The following VTI1A variants were observed in gnomAD, a reference collection of about 807,000 sequenced individuals.
VTI1A encodes the protein vesicle transport through interaction with t-SNAREs 1A.
Under a neutral mutation model 34.9 loss-of-function variants are expected in VTI1A, and 22 were observed. The observed-to-expected ratio is 0.63, with a 90% CI of 0.45 to 0.90. VTI1A has a LOEUF of 0.90. VTI1A is among the 40% of genes least tolerant of loss of function. VTI1A has a pLI of 0.00. For missense variants in VTI1A, 268 were observed against 275.6 expected (o/e 0.97, Z 0.20); for synonymous variants, 87 against 97.3 (o/e 0.89, Z 0.62).
chr10:112,586,846 GGGT>G lies in VTI1A; in HGVS notation c.427+48517_427+48519del, dbSNP rs1160165835. Among the ~76,000 whole-genome samples, 3 of 152,258 alleles carry G rather than the reference GGGT, an allele frequency of 2.0e-5. No individual in the cohort carries two copies. In the East Asian group the frequency reaches 5.8e-4, roughly 29 times the overall value. ...CCTATTATTATAGCACTTAGTTTTA[GGGT>G]AACCACTGGTGATTTAGTCGTCTAA... is the stretch of plus-strand genomic sequence containing the variant. On this transcript the variant is annotated intron_variant, in intron 5 of 7. Transcript: ENST00000393077.
intron 7 of VTI1A, among the ~76,000 whole-genome samples, chr10:112,778,122 G>T (rs999724961): frequency 6.6e-6 from 1 of 151,852 alleles, no homozygotes; most frequent in African/African-American, 2.4e-5. Flanking sequence ...AAAAAAAAAA[G>T]TGTATTGGTG....
At chr10:112,555,166 G>T (rs576394765) in intron 5 of VTI1A, among the ~76,000 whole-genome samples, 1 of 151,874 alleles carries the variant, frequency 6.6e-6, no homozygotes, top group African/African-American at 2.4e-5. Flanking sequence ...AATTAAAAAA[G>T]AATTTTCTCT....
At chr10:112,581,663 A>C (rs1287172271) in intron 5 of VTI1A, among the ~76,000 whole-genome samples, 1 of 152,220 alleles carries the variant, frequency 6.6e-6, no homozygotes, top group Non-Finnish European at 1.5e-5. Flanking sequence ...TGGAATTTCC[A>C]TTTATGTTTA....
chr10:112,747,591 G>A (rs183138726), intron 7 of VTI1A, among the ~76,000 whole-genome samples: 1 of 152,280 alleles, frequency 6.6e-6, no homozygotes, highest in East Asian at 1.9e-4. Flanking sequence ...TAATTGTTTT[G>A]TTTTGTTTTC....
At chr10:112,786,260 T>C (rs1852283833) in intron 7 of VTI1A, among the ~76,000 whole-genome samples, 1 of 152,240 alleles carries the variant, frequency 6.6e-6, no homozygotes, top group Admixed American at 6.5e-5. Flanking sequence ...TTTGTGGCTA[T>C]AGCAATACAC....
Position 112,815,940 on chromosome 10 carries a change from G to T in VTI1A, c.*557G>T, listed in dbSNP as rs1293639813. 4 of 230,634 alleles carry T rather than the reference G, an allele frequency of 1.7e-5. No homozygotes were observed. Among genetic ancestry groups the T allele is most frequent in the African/African-American group, 8.9e-5 (4 of 45,190 alleles). The allele number at this position is 230,634 out of a possible 1,614,324, so 14.3% of individuals were successfully genotyped here. A position where few individuals can be genotyped will look rare whatever the true frequency, so the allele number is the denominator to read the frequency against. Reference sequence around the variant, plus strand: ...TAAAGGTCGGTATTTAATGTCGGTTGTACAGGAAATTGACTTAGCACTTTC... The same window carrying T: ...TAAAGGTCGGTATTTAATGTCGGTTTTACAGGAAATTGACTTAGCACTTTC... On this transcript the variant is annotated 3_prime_UTR_variant, in exon 8 of 8. Coordinates refer to ENST00000393077, the MANE Select transcript of VTI1A (RefSeq NM_145206.4).
At chr10:112,497,123 G>C (rs1589831109) in intron 3 of VTI1A, among the ~76,000 whole-genome samples, 1 of 152,078 alleles carries the variant, frequency 6.6e-6, no homozygotes, top group South Asian at 2.1e-4. Flanking sequence ...TTCAAGACCA[G>C]CTCGGCCAAA....
At chr10:112,657,024 C>T (rs909918951) in intron 5 of VTI1A, among the ~76,000 whole-genome samples, 39 of 152,268 alleles carry the variant, frequency 2.6e-4, no homozygotes, top group Middle Eastern at 3.4e-3. Context: ...AAGCCATGCC[C>T]GCCCACCCTT....
chr10:112,497,618 C>A (rs1367130190), intron 3 of VTI1A, among the ~76,000 whole-genome samples: 1 of 152,174 alleles, frequency 6.6e-6, no homozygotes, highest in Non-Finnish European at 1.5e-5. Flanking sequence ...TTGTTTTTAA[C>A]TAACTTGCTG....
chr10:112,716,464 AT>A (rs1215853533), intron 7 of VTI1A, among the ~76,000 whole-genome samples: 1 of 152,196 alleles, frequency 6.6e-6, no homozygotes, highest in Non-Finnish European at 1.5e-5. Context: ...TGAGTATAAC[AT>A]ACCCATATGT....
At chr10:112,655,275 T>C (rs893051677) in intron 5 of VTI1A, among the ~76,000 whole-genome samples, 3 of 152,204 alleles carry the variant, frequency 2.0e-5, no homozygotes, top group Non-Finnish European at 4.4e-5. Context: ...AGTATCTTAC[T>C]ATAGATGATC....
intron 7 of VTI1A, among the ~76,000 whole-genome samples, chr10:112,723,649 A>T (rs1849897361): frequency 6.6e-6 from 1 of 152,222 alleles, no homozygotes; most frequent in Non-Finnish European, 1.5e-5. Context: ...TTACTGCTAA[A>T]TAGGAAGCAA....
At chr10:112,661,890 C>T (rs1178374927) in intron 5 of VTI1A, among the ~76,000 whole-genome samples, 1 of 151,542 alleles carries the variant, frequency 6.6e-6, no homozygotes, top group East Asian at 1.9e-4. Flanking sequence ...GCCTCAGTCT[C>T]CTGAGTAGAG....
At chr10:112,619,370 C>G (rs144189171) in intron 5 of VTI1A, among the ~76,000 whole-genome samples, 2,531 of 152,080 alleles carry the variant, frequency 0.017, 33 homozygotes, top group Middle Eastern at 0.031. Flanking sequence ...TGGGTAAGCA[C>G]GTTCACCTGG....
At chr10:112,769,921 C>A (rs1356611741) in intron 7 of VTI1A, among the ~76,000 whole-genome samples, 1 of 152,122 alleles carries the variant, frequency 6.6e-6, no homozygotes, top group East Asian at 1.9e-4. Context: ...AGTACCCTAT[C>A]CAGAGGCTTC....
chr10:112,818,196 G>A lies in VTI1A; in HGVS notation c.*2813G>A, dbSNP rs1853578716. On this transcript the variant is annotated 3_prime_UTR_variant, in exon 8 of 8. Transcript: ENST00000393077. ...CTGCTTCTGAGCCCTGAGCTTCAAA[G>A]GCTGAAATTAATGGTGAACAAAATT... 1 of 233,420 alleles carries A rather than the reference G, an allele frequency of 4.3e-6. No individual in the cohort carries two copies. Among genetic ancestry groups the A allele is most frequent in the East Asian group, 6.0e-5 (1 of 16,550 alleles). The allele number at this position is 233,420 out of a possible 1,614,324, so 14.5% of individuals were successfully genotyped here.
intron 7 of VTI1A, among the ~76,000 whole-genome samples, chr10:112,711,041 A>G (rs1025489089): frequency 4.6e-5 from 7 of 152,216 alleles, no homozygotes; most frequent in Admixed American, 4.6e-4. Context: ...ACTGCATTCC[A>G]TTTAAAGACT....
intron 3 of VTI1A, among the ~76,000 whole-genome samples, chr10:112,465,835 T>A (rs1847878468): frequency 6.6e-6 from 1 of 152,112 alleles, no homozygotes; most frequent in African/African-American, 2.4e-5. Flanking sequence ...ACCATACACT[T>A]AAAAATGGTT....
intron 5 of VTI1A, among the ~76,000 whole-genome samples, chr10:112,570,361 A>G (rs1218158977): frequency 4.0e-5 from 6 of 151,716 alleles, no homozygotes; most frequent in South Asian, 2.1e-4. Flanking sequence ...TCTTATGGGG[A>G]AAAAAAAATT....
Sources: gnomAD v4.1 joint callset for allele counts (sites outside exome capture counted in the v4.1 genomes callset) on GRCh38, gnomAD v4.1.1 for gene constraint, MANE v1.5 for transcripts, NCBI Gene and HGNC (gene_info 2026-07-23, HGNC 2026-07-21) for gene names.